DHX9: variants seen among roughly 807,000 people sequenced by gnomAD.
DHX9 encodes ATP-dependent RNA helicase A.
DHX9 carries 27 observed loss-of-function variants against 148.7 expected under a neutral mutation model. That is an observed-to-expected ratio of 0.18 (90% CI 0.13 to 0.25). DHX9 has a LOEUF of 0.25. DHX9 is among the 10% of genes least tolerant of loss of function. DHX9 has a pLI of 1.00. For synonymous variants in DHX9, 529 were observed against 516.6 expected (o/e 1.02, Z -0.33); for missense variants, 796 against 1,559.6 (o/e 0.51, Z 8.25).
intron 3 of DHX9, among the ~76,000 whole-genome samples, chr1:182,851,794 A>T (rs1668155361): frequency 6.6e-6 from 1 of 152,226 alleles, no homozygotes; most frequent in Admixed American, 6.5e-5. Flanking sequence ...CTATTCCGTG[A>T]TCATCTTAAT....
chr1:182,876,997 T>C, intron 19 of DHX9, 94 bp downstream of exon 19: 1 of 806,820 alleles, frequency 1.2e-6, no homozygotes, highest in Non-Finnish European at 2.0e-6. Flanking sequence ...ATTTTTAAAC[T>C]CCTGTGTTCT....
chr1:182,873,616 G>A (rs1202640803), intron 15 of DHX9, among the ~76,000 whole-genome samples: 3 of 152,196 alleles, frequency 2.0e-5, no homozygotes, highest in South Asian at 2.1e-4. Context: ...CAGTACGAAC[G>A]TGTGTTTAGC....
intron 19 of DHX9, 31 bp from the exon 20 acceptor site, chr1:182,877,990 G>C: frequency 6.2e-7 from 1 of 1,613,006 alleles, no homozygotes; most frequent in South Asian, 1.1e-5. Context: ...ATACACATGA[G>C]TCTTAGAATT....
Position 182,858,218 on chromosome 1 carries a change from C to G in DHX9, c.788C>G (p.Thr263Arg). The change falls in exon 8 of 28, where the codon ACA becomes AGA. Residue 263 changes from threonine to arginine, a missense_variant. By Grantham distance (71) the Thr-to-Arg change is moderately conservative. Transcript: ENST00000367549. ...LGVVEAYSGL[T>R]KKKEGETVEP... ...GTGGTTGAAGCTTACTCCGGACTTACAAAGAAGAAGGAAGGAGAGACAGTG... is the reference window on the plus strand; with the variant it reads ...GTGGTTGAAGCTTACTCCGGACTTAGAAAGAAGAAGGAAGGAGAGACAGTG... 2 of 1,613,740 alleles carry G rather than the reference C, an allele frequency of 1.2e-6. No homozygotes were observed. Among genetic ancestry groups the G allele is most frequent in the Non-Finnish European group, 1.7e-6 (2 of 1,179,912 alleles).
At chr1:182,868,009 T>C (rs1054957809) in intron 14 of DHX9, among the ~76,000 whole-genome samples, 1 of 152,088 alleles carries the variant, frequency 6.6e-6, no homozygotes, top group African/African-American at 2.4e-5. Flanking sequence ...TCTTCTCCCA[T>C]CCCCCATCCT....
At chr1:182,858,021 G>A (rs41272522) in intron 7 of DHX9, 83 bp from the exon 8 acceptor site, 17,021 of 1,425,226 alleles carry the variant, frequency 0.012, 125 homozygotes, top group Admixed American at 0.015. Flanking sequence ...TCTTGTGTAC[G>A]TAAGCCCATA....
intron 27 of DHX9, 61 bp from the exon 28 acceptor site, chr1:182,887,022 G>C: frequency 6.8e-7 from 1 of 1,470,448 alleles, no homozygotes; most frequent in East Asian, 2.3e-5. Flanking sequence ...TGTACATTTG[G>C]TAAGTCGTTG....
intron 22 of DHX9, 54 bp from the exon 23 acceptor site, chr1:182,881,210 G>A: frequency 1.3e-6 from 2 of 1,562,260 alleles, no homozygotes; most frequent in South Asian, 1.2e-5. Flanking sequence ...TACCTGAGCT[G>A]CTGGCAACAA....
At chr1:182,879,198 A>C (rs1648970536) in intron 20 of DHX9, 52 bp from the exon 21 acceptor site, 1 of 1,356,998 alleles carries the variant, frequency 7.4e-7, no homozygotes, top group Non-Finnish European at 9.7e-7. Flanking sequence ...AAGTTTATTA[A>C]CATCTGTGTA....
At chr1:182,857,258 G>T (rs1308921575) in intron 7 of DHX9, among the ~76,000 whole-genome samples, 1 of 152,164 alleles carries the variant, frequency 6.6e-6, no homozygotes, top group Admixed American at 6.5e-5. Flanking sequence ...TTACCTTATC[G>T]AGGTTAATTT....
chr1:182,846,297 G>A (rs1668028172), intron 3 of DHX9, among the ~76,000 whole-genome samples: 1 of 151,792 alleles, frequency 6.6e-6, no homozygotes, highest in East Asian at 1.9e-4. Flanking sequence ...GAGTGCAGTG[G>A]CATGATCTCG....
chr1:182,861,158 A>C (rs1439354986), intron 12 of DHX9, among the ~76,000 whole-genome samples: 2 of 152,158 alleles, frequency 1.3e-5, no homozygotes, highest in African/African-American at 2.4e-5. Flanking sequence ...TAATTAGTAT[A>C]ATTGTATATT....
intron 11 of DHX9, among the ~76,000 whole-genome samples, chr1:182,859,423 G>GT: frequency 6.6e-6 from 1 of 152,264 alleles, no homozygotes; most frequent in African/African-American, 2.4e-5. Context: ...AAAAGAATGC[G>GT]TGTGCGACTT....
At chr1:182,854,688 C>T (rs796779438) in intron 6 of DHX9, among the ~76,000 whole-genome samples, 44 of 152,218 alleles carry the variant, frequency 2.9e-4, no homozygotes, top group African/African-American at 1.0e-3. Context: ...AAGGGCTTAT[C>T]GTAAGGTCGA....
intron 11 of DHX9, 46 bp from the exon 12 acceptor site, chr1:182,859,947 A>C: frequency 6.4e-7 from 1 of 1,558,222 alleles, no homozygotes; most frequent in Non-Finnish European, 8.7e-7. Flanking sequence ...AGTTGCTTCT[A>C]ATGTGTTGGT....
chr1:182,880,627 T>G lies in DHX9; in HGVS notation c.2624+19T>G, dbSNP rs752123485. The G allele has an allele frequency of 6.7e-7, 1 of 1,486,618 alleles. No individual in the cohort carries two copies. Among genetic ancestry groups the G allele is most frequent in the East Asian group, 2.3e-5 (1 of 44,092 alleles). 92.1% of individuals were successfully genotyped at this position (1,486,618 alleles called of 1,614,324 possible). A position where few individuals can be genotyped will look rare whatever the true frequency, so the allele number is the denominator to read the frequency against. ...TTTTCTAGTAAGTGCTTTGTTTTAT[T>G]TCTCTTCGTTAAGTGGCAGAATAAT... On this transcript the variant is annotated intron_variant, in intron 22 of 27. Transcript: ENST00000367549.
At chr1:182,869,623 AGTCTT>A (rs112615521) in intron 14 of DHX9, among the ~76,000 whole-genome samples, 1 of 152,014 alleles carries the variant, frequency 6.6e-6, no homozygotes, top group Non-Finnish European at 1.5e-5. Context: ...TGTCCAGTCC[AGTCTT>A]GTCTTGGAGT....
In DHX9 at chr1:182,876,549, T is replaced by C. The variant is rs1225101527; in HGVS notation, c.2124+8T>C. On this transcript the variant is annotated splice_region_variant and intron_variant, in intron 18 of 27. Coordinates refer to ENST00000367549, the MANE Select transcript of DHX9 (RefSeq NM_001357.5). ...CCAGTTGGAGTAACCAAGGTAAATA[T>C]TAAACATTAGAGTGATGGGATTGGA... is the stretch of plus-strand genomic sequence containing the variant. 2 of 1,605,810 alleles carry C rather than the reference T, an allele frequency of 1.2e-6. No homozygotes were observed. The highest frequency in any genetic ancestry group is 2.2e-5 in the East Asian group (1 of 44,820).
Position 182,880,671 on chromosome 1 carries a change from C to T in DHX9, c.2624+63C>T, listed in dbSNP as rs1407596444. The T allele has an allele frequency of 8.7e-6, 10 of 1,145,348 alleles. No individual in the cohort carries two copies. The Admixed American group carries it at 1.9e-4, about 21-fold the overall frequency. 70.9% of individuals were successfully genotyped at this position (1,145,348 alleles called of 1,614,324 possible). On this transcript the variant is annotated intron_variant, in intron 22 of 27. Coordinates refer to ENST00000367549, the MANE Select transcript of DHX9 (RefSeq NM_001357.5). ...GAATAATTTCAGAATCTTCTCCTCC[C>T]TGTAAAAGCAGTATTGGCTCAGATA... is the stretch of plus-strand genomic sequence containing the variant.
Sources: allele counts gnomAD v4.1 joint callset (sites outside exome capture counted in the v4.1 genomes callset), GRCh38; gene constraint gnomAD v4.1.1; transcripts MANE v1.5; gene names NCBI Gene and HGNC (gene_info 2026-07-23, HGNC 2026-07-21).